GIMAP6: variants seen among roughly 807,000 people sequenced by gnomAD.
GIMAP6 encodes the protein GTPase, IMAP family member 6, also known as GTPase IMAP family member 6.
In GIMAP6, 6 loss-of-function variants were observed where a neutral mutation model predicts 9.3. The observed-to-expected ratio is 0.65, with a 90% confidence interval of 0.35 to 1.27. GIMAP6 has a LOEUF of 1.27. GIMAP6 is among the 50% of genes most tolerant of loss of function. The probability of loss-of-function intolerance (pLI) is 0.03; values close to 1 mark genes in which losing one functional copy is unlikely to be tolerated. For synonymous variants in GIMAP6, 156 were observed against 151.1 expected (o/e 1.03, Z -0.24); for missense variants, 333 against 359.5 (o/e 0.93, Z 0.60).
chr7:150,629,983 A>C, intron 2 of GIMAP6, 75 bp downstream of exon 2: 1 of 985,620 alleles, frequency 1.0e-6, no homozygotes, highest in Non-Finnish European at 1.6e-6. Context: ...CTCCAAGCAC[A>C]CTATGGTGGT....
At chr7:150,628,823 T>A in intron 2 of GIMAP6, 6 of 1,212,290 alleles carry the variant, frequency 4.9e-6, no homozygotes, top group Non-Finnish European at 6.6e-6. Context: ...AATTCCCTTC[T>A]CCTGGCCTTG....
chr7:150,630,600 T>A (rs960848968), intron 1 of GIMAP6, among the ~76,000 whole-genome samples: 1 of 152,080 alleles, frequency 6.6e-6, no homozygotes. Context: ...CTGGAGGACG[T>A]GAATGAGTAG....
intron 2 of GIMAP6, among the ~76,000 whole-genome samples, chr7:150,629,252 T>C (rs1360524417): frequency 6.6e-6 from 1 of 152,200 alleles, no homozygotes; most frequent in Non-Finnish European, 1.5e-5. Flanking sequence ...ACTTGAGCTC[T>C]GGAGAGGATT....
chr7:150,630,010 T>C (rs1309821323), intron 2 of GIMAP6, 48 bp downstream of exon 2: 3 of 1,260,894 alleles, frequency 2.4e-6, no homozygotes, highest in Non-Finnish European at 3.4e-6. Context: ...GTGTCCCACC[T>C]GCACCCCAAA....
Position 150,628,421 on chromosome 7 carries a change from G to A in GIMAP6, c.177C>T (p.Ser59=), listed in dbSNP as rs147307195. The change falls in exon 3 of 3, where the codon AGC becomes AGT. Residue 59 remains serine, a synonymous_variant. Coordinates refer to ENST00000328902, the MANE Select transcript of GIMAP6 (RefSeq NM_024711.6). ...ACTCGAAGACGTCCCTGCCGAGGAT[G>A]CTGTTTCCTGTTGCACTCTTCCCAC... ...TGSGKSATGN[S]ILGRDVFESK... is the part of the protein sequence containing the mutation. 5.6e-5 allele frequency: 91 copies of A among 1,614,194 alleles called. No homozygotes were observed. In the African/African-American group the frequency reaches 1.0e-3, roughly 18 times the overall value.
Position 150,627,488 on chromosome 7 carries a change from G to T in GIMAP6, c.*231C>A. 1 of 596,766 alleles carries T rather than the reference G, an allele frequency of 1.7e-6. No homozygotes were observed. The highest frequency in any genetic ancestry group is 3.0e-6 in the Non-Finnish European group (1 of 334,848). 37.0% of individuals were successfully genotyped at this position (596,766 alleles called of 1,614,324 possible). ...AGGTCCAATAGGAAGACAGCGTGCT[G>T]TTGGGGCACAGAGGAGGGAGGACCC... On this transcript the variant is annotated 3_prime_UTR_variant, in exon 3 of 3. Coordinates refer to ENST00000328902, the MANE Select transcript of GIMAP6 (RefSeq NM_024711.6).
intron 2 of GIMAP6, among the ~76,000 whole-genome samples, chr7:150,629,446 T>C (rs1024718969): frequency 7.2e-5 from 11 of 152,310 alleles, no homozygotes; most frequent in African/African-American, 2.6e-4. Flanking sequence ...TCATTTCTTC[T>C]GGCCAGGAAA....
Position 150,627,720 on chromosome 7 carries a change from C to T in GIMAP6, c.878G>A (p.Ter293=). The change falls in exon 3 of 3, where the codon TGA becomes TAA. Residue 293 remains the stop codon, a stop_retained_variant. Coordinates refer to ENST00000328902, the MANE Select transcript of GIMAP6 (RefSeq NM_024711.6). ...HRCLLGKADL[*] is the part of the protein sequence containing the mutation. ...CCTTGGCTCAAGTCCAGCACAGGCT[C>T]AAAGGTCAGCCTTCCCCAGCAGGCA... The T allele has an allele frequency of 1.2e-6, 2 of 1,612,920 alleles. No individual in the cohort carries two copies. Among genetic ancestry groups the T allele is most frequent in the Non-Finnish European group, 8.5e-7 (1 of 1,179,362 alleles).
intron 1 of GIMAP6, among the ~76,000 whole-genome samples, chr7:150,630,658 G>A (rs1204430617): frequency 6.6e-6 from 1 of 152,100 alleles, no homozygotes; most frequent in Non-Finnish European, 1.5e-5. Flanking sequence ...CCAGACTTTG[G>A]AGAAGACTGT....
At position 150,628,055 on chromosome 7, in the gene GIMAP6, G is replaced by C. The variant is rs372190402; in HGVS notation, c.543C>G (p.Asn181Lys). The C allele has an allele frequency of 1.1e-4, 182 of 1,614,082 alleles. No homozygotes were observed. Among genetic ancestry groups the C allele is most frequent in the Non-Finnish European group, 1.4e-4 (171 of 1,180,024 alleles). ...CATCCAGCCAGGCAAGGGCCTGGTT[G>C]TTGGTCTCTCGCACATAGTCTTCCA... ...GSLEDYVRET[N>K]NQALAWLDVT... The change falls in exon 3 of 3, where the codon AAC becomes AAG. Residue 181 changes from asparagine (N) to lysine (K), a missense_variant. By Grantham distance (94) the Asn-to-Lys change is moderately conservative. Transcript: ENST00000328902.
Position 150,627,558 on chromosome 7 carries a change from G to T in GIMAP6, c.*161C>A. On this transcript the variant is annotated 3_prime_UTR_variant, in exon 3 of 3. Coordinates refer to ENST00000328902, the MANE Select transcript of GIMAP6 (RefSeq NM_024711.6). ...ATGAAGGAACTGGAATGTGATCTGG[G>T]CATGCTGGACCCTGTCCTCAAGCCC... 1.3e-6 allele frequency: 1 copy of T among 777,064 alleles called. No homozygotes were observed. The highest frequency in any genetic ancestry group is 2.1e-6 in the Non-Finnish European group (1 of 469,778). 48.1% of individuals were successfully genotyped at this position (777,064 alleles called of 1,614,324 possible).
At position 150,627,235 on chromosome 7, in the gene GIMAP6, A is replaced by T. The variant is rs771973448; in HGVS notation, c.*484T>A. 1.6e-4 allele frequency: 29 copies of T among 181,816 alleles called. No homozygotes were observed. The highest frequency in any genetic ancestry group is 8.1e-5 in the Non-Finnish European group (7 of 86,544). 11.3% of individuals were successfully genotyped at this position (181,816 alleles called of 1,614,324 possible). On this transcript the variant is annotated 3_prime_UTR_variant, in exon 3 of 3. Transcript: ENST00000328902. ...TCAGCACCACTGCCATGTTCCAGCC[A>T]CCAGACACAACAGGCACCTTAAACC...
chr7:150,628,805 A>T, intron 2 of GIMAP6: 1 of 1,344,844 alleles, frequency 7.4e-7, no homozygotes, highest in Non-Finnish European at 9.8e-7. Context: ...GGAAGAAGGC[A>T]GGAAGGGAAT....
At chr7:150,631,662 G>A (rs1225897539) in intron 1 of GIMAP6, among the ~76,000 whole-genome samples, 1 of 152,152 alleles carries the variant, frequency 6.6e-6, no homozygotes, top group Non-Finnish European at 1.5e-5. Flanking sequence ...GCACCTCCCT[G>A]CCTCCTCCTA....
intron 1 of GIMAP6, among the ~76,000 whole-genome samples, chr7:150,631,927 T>G (rs1213524501): frequency 6.6e-6 from 1 of 151,446 alleles, no homozygotes; most frequent in African/African-American, 2.4e-5. Context: ...CACACACACA[T>G]ACACAAAACA....
At chr7:150,629,160 A>G (rs1796351065) in intron 2 of GIMAP6, among the ~76,000 whole-genome samples, 1 of 152,230 alleles carries the variant, frequency 6.6e-6, no homozygotes, top group Admixed American at 6.5e-5. Context: ...AGCCCAGTGC[A>G]GAGCCAGAGG....
chr7:150,631,901 A>G (rs956020489), intron 1 of GIMAP6, among the ~76,000 whole-genome samples: 2 of 152,138 alleles, frequency 1.3e-5, no homozygotes, highest in Non-Finnish European at 2.9e-5. Flanking sequence ...ACACCACAGC[A>G]CACACAAATA....
chr7:150,632,364 T>A lies in GIMAP6; in HGVS notation c.-196A>T, dbSNP rs1041254678. On this transcript the variant is annotated 5_prime_UTR_variant, in exon 1 of 3. Coordinates refer to ENST00000328902, the MANE Select transcript of GIMAP6 (RefSeq NM_024711.6). Reference sequence around the variant, plus strand: ...CTGCCCTTGAAAGAGCAGTGTCCGCTGGAGATGGAGGAACAGGAAGTGGGT... The same window carrying A: ...CTGCCCTTGAAAGAGCAGTGTCCGCAGGAGATGGAGGAACAGGAAGTGGGT... 5.3e-5 allele frequency: 8 copies of A among 152,198 alleles called. No homozygotes were observed. Among genetic ancestry groups the A allele is most frequent in the African/African-American group, 1.4e-4 (6 of 41,422 alleles). The allele number at this position is 152,198 out of a possible 1,614,324, so 9.4% of individuals were successfully genotyped here. A position where few individuals can be genotyped will look rare whatever the true frequency, so the allele number is the denominator to read the frequency against.
chr7:150,631,486 C>A (rs1796390968), intron 1 of GIMAP6, among the ~76,000 whole-genome samples: 1 of 152,322 alleles, frequency 6.6e-6, no homozygotes, highest in East Asian at 1.9e-4. Context: ...TCCTTACATC[C>A]CTGGTGGAAA....
Sources: gnomAD v4.1 joint callset for allele counts (sites outside exome capture counted in the v4.1 genomes callset) on GRCh38, gnomAD v4.1.1 for gene constraint, MANE v1.5 for transcripts, NCBI Gene and HGNC (gene_info 2026-07-23, HGNC 2026-07-21) for gene names.